ERCC6: variants seen among roughly 807,000 people sequenced by gnomAD.
The protein encoded by ERCC6 is DNA excision repair protein ERCC-6.
A neutral mutation model predicts 158.7 loss-of-function variants in ERCC6; 116 were observed. The observed-to-expected ratio is 0.73, with a 90% CI of 0.63 to 0.85. The LOEUF (loss-of-function observed/expected upper bound fraction) is 0.85, where lower values mean the gene tolerates loss of function less well. ERCC6 is among the 40% of genes least tolerant of loss of function. ERCC6 has a pLI of 0.00. For missense variants in ERCC6, 1,698 were observed against 1,799.4 expected (o/e 0.94, Z 1.02); for synonymous variants, 678 against 659.3 (o/e 1.03, Z -0.43).
the ERCC6 span, among the ~76,000 whole-genome samples, chr10:49,448,521 G>A: frequency 2.6e-5 from 4 of 152,100 alleles, no homozygotes; most frequent in Non-Finnish European, 5.9e-5. Context: ...TATACTCAAA[G>A]ATACATGCAA....
intron 1 of ERCC6, 24 bp from the exon 2 acceptor site, chr10:49,533,002 C>A (rs764038676): frequency 1.2e-6 from 2 of 1,611,888 alleles, no homozygotes; most frequent in Non-Finnish European, 1.7e-6. Context: ...AATTTATAAG[C>A]CTTTTCGTTA....
Position 49,470,869 on chromosome 10 carries a change from T to A in ERCC6, c.3091A>T (p.Thr1031Ser), listed in dbSNP as rs747223564. The stretch of plus-strand genomic sequence containing the variant: ...CTTCTTTTTAGATGGCATTTGGGTG[T>A]CTGAACATCTGATCCAGTTCCTGTA... ...IFAGTGSDVQ[T>S]PKCHLKRRIQ... Residue 1031 changes from threonine (T) to serine (S), a missense_variant, in exon 18 of 21, where the codon ACA (threonine) becomes TCA (serine). Transcript: ENST00000355832. 1 of 1,613,948 alleles carries A rather than the reference T, an allele frequency of 6.2e-7. No homozygotes were observed. Among genetic ancestry groups the A allele is most frequent in the Non-Finnish European group, 8.5e-7 (1 of 1,179,880 alleles).
chr10:49,516,069 A>C, intron 5 of ERCC6: 1 of 1,614,170 alleles, frequency 6.2e-7, no homozygotes, highest in Non-Finnish European at 8.5e-7. Context: ...ATTGAATACA[A>C]AATGGTATTG....
chr10:49,467,684 GC>G (rs1850701527), intron 18 of ERCC6, among the ~76,000 whole-genome samples: 1 of 151,924 alleles, frequency 6.6e-6, no homozygotes, highest in South Asian at 2.1e-4. Context: ...TCCCAGCTCA[GC>G]CTCGCAAGTA....
intron 5 of ERCC6, chr10:49,515,608 T>C (rs181055741): frequency 6.2e-7 from 1 of 1,613,990 alleles, no homozygotes; most frequent in Non-Finnish European, 8.5e-7. Flanking sequence ...TCATATGTTT[T>C]ATGCAATTGC....
chr10:49,504,560 T>C (rs1219029961), intron 6 of ERCC6: 8 of 152,194 alleles, frequency 5.3e-5, no homozygotes, highest in African/African-American at 1.9e-4. Context: ...CTGTCTTTTT[T>C]AAATCAATTT....
At position 49,461,440 on chromosome 10, in the gene ERCC6, G is replaced by A. The variant is rs200516416; in HGVS notation, c.3895C>T (p.Leu1299Phe). The A allele has an allele frequency of 2.4e-4, 381 of 1,614,086 alleles. No individual in the cohort carries two copies. Among genetic ancestry groups the A allele is most frequent in the Non-Finnish European group, 3.2e-4 (375 of 1,180,052 alleles). The change falls in exon 19 of 21, where the codon CTC (leucine) becomes TTC (phenylalanine). Residue 1299 changes from leucine to phenylalanine, a missense_variant. By Grantham distance (22) the Leu-to-Phe change is conservative. Coordinates refer to ENST00000355832, the MANE Select transcript of ERCC6 (RefSeq NM_000124.4). ...GCTCCCAGACACCGCTGACGAGAGAGCCTCAGTGCTTTCAGGGCATCCTGG... is the reference window on the plus strand; with the variant it reads ...GCTCCCAGACACCGCTGACGAGAGAACCTCAGTGCTTTCAGGGCATCCTGG... ...VAQDALKALRLSRQRCLGAVS... is the reference protein window; with the variant it reads ...VAQDALKALRFSRQRCLGAVS...
chr10:49,514,279 G>A (rs1047414017), intron 5 of ERCC6, among the ~76,000 whole-genome samples: 1 of 152,120 alleles, frequency 6.6e-6, no homozygotes, highest in East Asian at 1.9e-4. Context: ...CCAAGTAACA[G>A]TAAAATCAGT....
At chr10:49,465,812 T>C (rs1388818518) in intron 18 of ERCC6, among the ~76,000 whole-genome samples, 1 of 152,248 alleles carries the variant, frequency 6.6e-6, no homozygotes, top group African/African-American at 2.4e-5. Flanking sequence ...TGTGGAATTG[T>C]AAGTCAATTA....
At chr10:49,513,481 G>A (rs1391526476) in intron 5 of ERCC6, among the ~76,000 whole-genome samples, 1 of 152,062 alleles carries the variant, frequency 6.6e-6, no homozygotes, top group Non-Finnish European at 1.5e-5. Flanking sequence ...TATATTGTAT[G>A]AGTCCATTTT....
chr10:49,468,522 G>A (rs187536268), intron 18 of ERCC6, among the ~76,000 whole-genome samples: 2 of 152,310 alleles, frequency 1.3e-5, no homozygotes, highest in East Asian at 1.9e-4. Flanking sequence ...ACATGGAAGG[G>A]TAAATGTTAA....
chr10:49,459,081 C>T lies in ERCC6; in HGVS notation c.4216G>A (p.Glu1406Lys), dbSNP rs145622432. ...TCCTGCAGGTGCCCGCTTTCACTTTCTAAACGCTCTGGCAGAATCAGGTGG... is the reference window on the plus strand; with the variant it reads ...TCCTGCAGGTGCCCGCTTTCACTTTTTAAACGCTCTGGCAGAATCAGGTGG... Reference protein sequence around the residue: ...RNHLILPERLESESGHLQEAS... With the variant: ...RNHLILPERLKSESGHLQEAS... Residue 1406 changes from glutamate to lysine, a missense_variant, in exon 21 of 21, where the codon GAA (glutamate) becomes AAA (lysine). Physicochemically the swap from Glu to Lys is moderately conservative, Grantham distance 56. Transcript: ENST00000355832. The T allele has an allele frequency of 1.0e-4, 164 of 1,614,198 alleles. No individual in the cohort carries two copies. Among genetic ancestry groups the T allele is most frequent in the Non-Finnish European group, 1.3e-4 (154 of 1,180,040 alleles).
downstream of ERCC6, among the ~76,000 whole-genome samples, chr10:49,451,287 A>T (rs533343687): frequency 6.7e-6 from 1 of 150,272 alleles, no homozygotes; most frequent in Non-Finnish European, 1.5e-5. Context: ...TTCTTGCATA[A>T]TTGCAATGGC....
At chr10:49,488,935 C>A (rs1004297215) in intron 8 of ERCC6, among the ~76,000 whole-genome samples, 2 of 152,128 alleles carry the variant, frequency 1.3e-5, no homozygotes, top group African/African-American at 4.8e-5. Flanking sequence ...AAGGTGCCTG[C>A]CACCACGCCT....
chr10:49,478,514 G>A (rs776752286), intron 10 of ERCC6, 44 bp from the exon 11 acceptor site: 30 of 1,191,628 alleles, frequency 2.5e-5, no homozygotes, highest in Non-Finnish European at 3.6e-5. Context: ...ATATGTTTAA[G>A]GAACGCATTT....
chr10:49,516,428 C>T, intron 5 of ERCC6: 7 of 1,614,136 alleles, frequency 4.3e-6, no homozygotes, highest in Non-Finnish European at 5.9e-6. Flanking sequence ...CAGCAACATG[C>T]AAATTAGAAA....
intron 5 of ERCC6, 108 bp downstream of exon 5, chr10:49,523,925 G>C: frequency 2.0e-6 from 3 of 1,486,882 alleles, no homozygotes; most frequent in Non-Finnish European, 2.8e-6. Context: ...CTGTATAATC[G>C]GGGGGGTCTA....
chr10:49,524,344 C>G lies in ERCC6; in HGVS notation c.1086G>C (p.Glu362Asp), dbSNP rs767609722. Residue 362 changes from glutamate (E) to aspartate (D), a missense_variant, in exon 5 of 21, where the codon GAG becomes GAC. Coordinates refer to ENST00000355832, the MANE Select transcript of ERCC6 (RefSeq NM_000124.4). Reference protein sequence around the residue: ...RRPWESDMRPEAEGDSEGEES... With the variant: ...RRPWESDMRPDAEGDSEGEES... ...CTTCACCCTCAGAGTCTCCCTCTGC[C>G]TCTGGCCTCATGTCTGACTCCCAAG... 6.2e-7 allele frequency: 1 copy of G among 1,614,068 alleles called. No individual in the cohort carries two copies. The highest frequency in any genetic ancestry group is 8.5e-7 in the Non-Finnish European group (1 of 1,180,036).
chr10:49,477,412 G>A (rs1010800405), intron 11 of ERCC6, among the ~76,000 whole-genome samples: 1 of 151,976 alleles, frequency 6.6e-6, no homozygotes, highest in Admixed American at 6.6e-5. Context: ...GTGGAAGATG[G>A]GGGCATTCCT....
Sources: gnomAD v4.1 joint callset for allele counts (sites outside exome capture counted in the v4.1 genomes callset) on GRCh38, gnomAD v4.1.1 for gene constraint, MANE v1.5 for transcripts, NCBI Gene and HGNC (gene_info 2026-07-23, HGNC 2026-07-21) for gene names.